Variants in MALRD1 observed in about 807,000 individuals in gnomAD.
MALRD1 encodes the protein MAM and LDL receptor class A domain containing 1, also known as MAM and LDL-receptor class A domain-containing protein 1.
Under a neutral mutation model 242.1 loss-of-function variants are expected in MALRD1, and 247 were observed. The ratio of observed to expected loss-of-function variants is 1.02; its 90% CI spans 0.92 to 1.13. The LOEUF (loss-of-function observed/expected upper bound fraction) is 1.13. Ranked by LOEUF, MALRD1 falls within the 50% of genes most tolerant of loss-of-function variation. MALRD1 has a pLI of 0.00. For missense variants in MALRD1, 2,989 were observed against 2,533.1 expected, an observed-to-expected ratio of 1.18 and a Z score of -3.86; for synonymous variants, 995 against 866.6, an observed-to-expected ratio of 1.15 and a Z score of -2.60.
intron 36 of MALRD1, among the ~76,000 whole-genome samples, chr10:19,666,768 C>T (rs1841699947): frequency 6.6e-6 from 1 of 152,134 alleles, no homozygotes. Context: ...TTCATCATTT[C>T]TCCCTTTCCA....
intron 33 of MALRD1, among the ~76,000 whole-genome samples, chr10:19,593,348 G>A (rs1428297890): frequency 6.6e-6 from 1 of 152,120 alleles, no homozygotes; most frequent in Admixed American, 6.5e-5. Flanking sequence ...TTTGGTCATA[G>A]GGTCAGAGTC....
At chr10:19,347,594 G>A (rs999914409) in intron 24 of MALRD1, among the ~76,000 whole-genome samples, 177 bp from the exon 25 acceptor site, 2 of 152,100 alleles carry the variant, frequency 1.3e-5, no homozygotes, top group East Asian at 1.9e-4. Context: ...CAGAAGCCAC[G>A]GAAATAGCTG....
At chr10:19,067,415 A>G (rs189569653) in intron 2 of MALRD1, among the ~76,000 whole-genome samples, 1 of 152,210 alleles carries the variant, frequency 6.6e-6, no homozygotes, top group African/African-American at 2.4e-5. Flanking sequence ...GGGAGCAAAA[A>G]CGGATTCCAT....
intron 29 of MALRD1, among the ~76,000 whole-genome samples, chr10:19,479,814 T>C (rs1232106620): frequency 6.6e-6 from 1 of 152,162 alleles, no homozygotes; most frequent in Non-Finnish European, 1.5e-5. Context: ...TCCCTGGCCT[T>C]CAAGGTCTAT....
chr10:19,199,813 TAAATAAAATA>T (rs10631948), intron 14 of MALRD1, among the ~76,000 whole-genome samples: 11 of 148,672 alleles, frequency 7.4e-5, no homozygotes, highest in East Asian at 6.0e-4. Context: ...AATAAATAAA[TAAATAAAATA>T]AAATAAAATA....
intron 31 of MALRD1, among the ~76,000 whole-genome samples, chr10:19,527,512 G>A (rs1157600313): frequency 6.6e-6 from 1 of 152,008 alleles, no homozygotes; most frequent in Admixed American, 6.6e-5. Context: ...TAAATATTTG[G>A]CTTTCAACAT....
intron 19 of MALRD1, among the ~76,000 whole-genome samples, chr10:19,274,810 C>T (rs114711676): frequency 6.6e-6 from 1 of 151,730 alleles, no homozygotes; most frequent in Non-Finnish European, 1.5e-5. Context: ...AGGTGCTTGC[C>T]GAGAGCTGGG....
At chr10:19,454,266 A>C (rs1835498558) in intron 29 of MALRD1, among the ~76,000 whole-genome samples, 1 of 151,868 alleles carries the variant, frequency 6.6e-6, no homozygotes, top group South Asian at 2.1e-4. Context: ...ACAAACAGTG[A>C]CAAGACTTGT....
intron 30 of MALRD1, among the ~76,000 whole-genome samples, chr10:19,498,103 A>T (rs971866046): frequency 6.6e-6 from 1 of 152,332 alleles, no homozygotes; most frequent in South Asian, 2.1e-4. Flanking sequence ...CTAATAGGCT[A>T]TGCTATTCAA....
intron 29 of MALRD1, among the ~76,000 whole-genome samples, chr10:19,479,472 G>A (rs190015065): frequency 2.0e-5 from 3 of 152,154 alleles, no homozygotes; most frequent in African/African-American, 7.2e-5. Context: ...ATGTATTCTG[G>A]CTTGGCTATT....
chr10:19,632,005 C>A (rs7906876), intron 36 of MALRD1, among the ~76,000 whole-genome samples: 21,872 of 152,020 alleles, frequency 0.14, 2,689 homozygotes, highest in African/African-American at 0.33. Flanking sequence ...CAGTCAGGAA[C>A]CTGGTAGAAA....
chr10:19,503,597 A>G (rs916638762), intron 31 of MALRD1, among the ~76,000 whole-genome samples: 1 of 152,256 alleles, frequency 6.6e-6, no homozygotes, highest in African/African-American at 2.4e-5. Context: ...ATGAAGGCAT[A>G]AGGCACAAAG....
Position 19,578,338 on chromosome 10 carries a change from A to T in MALRD1, c.5680+10635A>T, listed in dbSNP as rs79058976. Among the ~76,000 whole-genome samples, 50 of 152,278 alleles carry T rather than the reference A, an allele frequency of 3.3e-4. No individual in the cohort carries two copies. In the East Asian group the frequency reaches 9.7e-3, roughly 29 times the overall value. ...CAACAAACAGTGACTGTGTATACATATATGAGTTTTCATTTTTCACCAATG... is the reference window on the plus strand; with the variant it reads ...CAACAAACAGTGACTGTGTATACATTTATGAGTTTTCATTTTTCACCAATG... On this transcript the variant is annotated intron_variant, in intron 33 of 39. Transcript: ENST00000454679.
At chr10:19,548,067 C>G (rs991411073) in intron 32 of MALRD1, among the ~76,000 whole-genome samples, 2 of 130,410 alleles carry the variant, frequency 1.5e-5, no homozygotes, top group African/African-American at 5.9e-5. Context: ...ATGGCACAAT[C>G]TCAGATCACT....
At chr10:19,275,660 C>G (rs994065667) in intron 19 of MALRD1, among the ~76,000 whole-genome samples, 3 of 151,948 alleles carry the variant, frequency 2.0e-5, no homozygotes, top group African/African-American at 7.3e-5. Context: ...CAGAGCGAGA[C>G]TCTGTCTCAA....
At chr10:19,557,763 G>C (rs1835791228) in intron 32 of MALRD1, among the ~76,000 whole-genome samples, 1 of 151,982 alleles carries the variant, frequency 6.6e-6, no homozygotes, top group East Asian at 1.9e-4. Context: ...CGGAGTCTTT[G>C]ACTTTCCTTT....
intron 36 of MALRD1, 44 bp from the exon 37 acceptor site, chr10:19,692,238 T>C (rs1306427321): frequency 7.1e-7 from 1 of 1,400,822 alleles, no homozygotes; most frequent in Non-Finnish European, 9.7e-7. Flanking sequence ...AAATATCTTT[T>C]CACTTTTCTT....
At chr10:19,495,730 A>G (rs1837685619) in intron 30 of MALRD1, among the ~76,000 whole-genome samples, 1 of 152,204 alleles carries the variant, frequency 6.6e-6, no homozygotes, top group Non-Finnish European at 1.5e-5. Context: ...TTGTCATGTT[A>G]ACCTTGAATG....
At chr10:19,352,765 A>G (rs141577249) in intron 26 of MALRD1, among the ~76,000 whole-genome samples, 210 of 152,316 alleles carry the variant, frequency 1.4e-3, no homozygotes, top group Non-Finnish European at 2.2e-3. Context: ...AAATGTGTCC[A>G]TATGTCCTTT....
Sources: gnomAD v4.1 joint callset for allele counts (sites outside exome capture counted in the v4.1 genomes callset) on GRCh38, gnomAD v4.1.1 for gene constraint, MANE v1.5 for transcripts, NCBI Gene and HGNC (gene_info 2026-07-23, HGNC 2026-07-21) for gene names.